KIF18A: variants seen among roughly 807,000 people sequenced by gnomAD.
KIF18A encodes kinesin-like protein KIF18A.
A neutral mutation model predicts 103.3 loss-of-function variants in KIF18A; 67 were observed. The ratio of observed to expected loss-of-function variants is 0.65; its 90% CI spans 0.53 to 0.79. The LOEUF (loss-of-function observed/expected upper bound fraction) is 0.79, where lower values mean the gene tolerates loss of function less well. Ranked by LOEUF, KIF18A falls within the 30% of genes least tolerant of loss-of-function variation. KIF18A has a pLI of 0.00. For synonymous variants in KIF18A, 367 were observed against 355.5 expected, an observed-to-expected ratio of 1.03 and a Z score of -0.36; for missense variants, 1,032 against 1,062.5, an observed-to-expected ratio of 0.97 and a Z score of 0.40.
intron 10 of KIF18A, chr11:28,076,349 A>C (rs140583742): frequency 2.0e-4 from 30 of 152,328 alleles, no homozygotes; most frequent in African/African-American, 6.3e-4. Flanking sequence ...TACTGCCTGC[A>C]TCCAGGATAG....
Position 28,098,000 on chromosome 11 carries a change from T to C in KIF18A, c.-46-7A>G, listed in dbSNP as rs879157554. 4 of 1,314,456 alleles carry C rather than the reference T, an allele frequency of 3.0e-6. No homozygotes were observed. In the Admixed American group the frequency reaches 1.0e-4, roughly 33 times the overall value. The allele number at this position is 1,314,456 out of a possible 1,614,324, so 81.4% of individuals were successfully genotyped here. A position where few individuals can be genotyped will look rare whatever the true frequency, so the allele number is the denominator to read the frequency against. The stretch of plus-strand genomic sequence containing the variant: ...TAAATACTTGAATACTTCTCTGAAA[T>C]TAAAAAAGAAAATAAAGTTTTAATA... On this transcript the variant is annotated splice_region_variant and splice_polypyrimidine_tract_variant and intron_variant, in intron 1 of 16. Transcript: ENST00000263181.
chr11:28,049,584 T>A (rs1287695223), intron 13 of KIF18A, among the ~76,000 whole-genome samples: 4 of 152,052 alleles, frequency 2.6e-5, no homozygotes, highest in African/African-American at 9.7e-5. Flanking sequence ...GGATTAGATC[T>A]AATTGAGGTT....
chr11:28,065,017 T>C (rs557085541), intron 11 of KIF18A, among the ~76,000 whole-genome samples: 1 of 152,148 alleles, frequency 6.6e-6, no homozygotes, highest in African/African-American at 2.4e-5. Flanking sequence ...GTGGAGAGAA[T>C]GAATTGCAGT....
chr11:28,074,673 C>CT (rs1306413958), intron 10 of KIF18A, among the ~76,000 whole-genome samples: 1 of 152,034 alleles, frequency 6.6e-6, no homozygotes. Flanking sequence ...AAAATGTTAG[C>CT]TTTGAAAAGC....
At chr11:28,023,242 A>C (rs1850268764) in intron 16 of KIF18A, among the ~76,000 whole-genome samples, 1 of 152,114 alleles carries the variant, frequency 6.6e-6, no homozygotes, top group South Asian at 2.1e-4. Flanking sequence ...GATGGGAAAG[A>C]TCCATCAGTA....
chr11:28,104,434 C>G (rs1468790053), intron 1 of KIF18A, among the ~76,000 whole-genome samples: 1 of 152,152 alleles, frequency 6.6e-6, no homozygotes, highest in African/African-American at 2.4e-5. Flanking sequence ...TTTTGGCCTC[C>G]TGGCTTTTTT....
chr11:28,066,620 A>G (rs1378142864), intron 11 of KIF18A, among the ~76,000 whole-genome samples: 1 of 151,666 alleles, frequency 6.6e-6, no homozygotes, highest in Non-Finnish European at 1.5e-5. Context: ...TCTTGTGTCA[A>G]TGGAAGGGCT....
At chr11:28,076,982 A>G in intron 10 of KIF18A, 25 bp downstream of exon 10, 1 of 1,273,478 alleles carries the variant, frequency 7.9e-7, no homozygotes. Flanking sequence ...ACTTTCTAAA[A>G]TTTAATTATA....
At chr11:28,087,822 AT>A (rs1851248110) in intron 6 of KIF18A, among the ~76,000 whole-genome samples, 1 of 152,156 alleles carries the variant, frequency 6.6e-6, no homozygotes, top group Admixed American at 6.5e-5. Flanking sequence ...TTTGATTTGC[AT>A]TTTTCTAATG....
chr11:28,094,389 TA>T (rs1851340525), intron 3 of KIF18A, among the ~76,000 whole-genome samples: 1 of 151,970 alleles, frequency 6.6e-6, no homozygotes, highest in Admixed American at 6.6e-5. Context: ...AGTAAAATGC[TA>T]ACATATGGGG....
Position 28,080,664 on chromosome 11 carries a change from C to T in KIF18A, c.1262+2192G>A, listed in dbSNP as rs147445687. Reference sequence around the variant, plus strand: ...CTACCTCTCCTCAGCCCTCCCTATTCCTTGAAACACGTTGAAATCGGGCAA... The same window carrying T: ...CTACCTCTCCTCAGCCCTCCCTATTTCTTGAAACACGTTGAAATCGGGCAA... On this transcript the variant is annotated intron_variant, in intron 9 of 16. Transcript: ENST00000263181. 2.9e-3 allele frequency among the ~76,000 whole-genome samples: 435 copies of T among 152,144 alleles called. 1 individual carries two copies. Among genetic ancestry groups the T allele is most frequent in the Non-Finnish European group, 5.2e-3 (356 of 67,970 alleles).
chr11:28,024,102 T>C (rs1222895434), intron 15 of KIF18A, among the ~76,000 whole-genome samples: 5 of 150,572 alleles, frequency 3.3e-5, no homozygotes, highest in Non-Finnish European at 7.4e-5. Context: ...TACAATTCTG[T>C]AGCAGAATAT....
chr11:28,096,685 G>C (rs1428259759), intron 2 of KIF18A, among the ~76,000 whole-genome samples: 1 of 152,166 alleles, frequency 6.6e-6, no homozygotes, highest in Non-Finnish European at 1.5e-5. Context: ...ACTTGATCAA[G>C]AGGGTATGTC....
At chr11:28,078,208 G>A (rs1851120623) in intron 9 of KIF18A, among the ~76,000 whole-genome samples, 1 of 152,030 alleles carries the variant, frequency 6.6e-6, no homozygotes, top group Non-Finnish European at 1.5e-5. Flanking sequence ...AGCTCTTAAT[G>A]AAACTCTATT....
chr11:28,083,195 T>C lies in KIF18A; in HGVS notation c.1123A>G (p.Lys375Glu). 6.4e-7 allele frequency: 1 copy of C among 1,570,024 alleles called. No homozygotes were observed. The highest frequency in any genetic ancestry group is 8.6e-7 in the Non-Finnish European group (1 of 1,167,498). Reference sequence around the variant, plus strand: ...TCTGCCTTCTGCTCATTACAGATCTTTACATATTGAGTTATATGATTATTG... The same window carrying C: ...TCTGCCTTCTGCTCATTACAGATCTCTACATATTGAGTTATATGATTATTG... Reference protein sequence around the residue: ...NVNNHITQYVKICNEQKAEIL... With the variant: ...NVNNHITQYVEICNEQKAEIL... The change falls in exon 8 of 17, where the codon AAG (lysine) becomes GAG (glutamate). Residue 375 changes from lysine to glutamate, a missense_variant. Lys to Glu is a moderately conservative substitution (Grantham distance 56, BLOSUM62 1). Coordinates refer to ENST00000263181, the MANE Select transcript of KIF18A (RefSeq NM_031217.4).
At chr11:28,073,799 CTCTT>C (rs1258038247) in intron 10 of KIF18A, among the ~76,000 whole-genome samples, 4 of 152,156 alleles carry the variant, frequency 2.6e-5, no homozygotes, top group African/African-American at 4.8e-5. Flanking sequence ...ACAAACACTT[CTCTT>C]TCTTTACCTC....
chr11:28,031,858 A>G (rs372295617), intron 15 of KIF18A, among the ~76,000 whole-genome samples: 18 of 152,044 alleles, frequency 1.2e-4, no homozygotes, highest in African/African-American at 4.1e-4. Context: ...ATTATTTAAC[A>G]TATTACTGGA....
intron 6 of KIF18A, among the ~76,000 whole-genome samples, chr11:28,085,564 T>C (rs1307602340): frequency 6.6e-6 from 1 of 152,164 alleles, no homozygotes; most frequent in East Asian, 1.9e-4. Context: ...TGTTATCGGC[T>C]ACCTAAGAGG....
At chr11:28,083,760 A>C (rs146663037) in intron 7 of KIF18A, among the ~76,000 whole-genome samples, 1 of 152,274 alleles carries the variant, frequency 6.6e-6, no homozygotes, top group African/African-American at 2.4e-5. Flanking sequence ...AAGTGGAGCT[A>C]AGAATTCATT....
Sources: allele counts gnomAD v4.1 joint callset (sites outside exome capture counted in the v4.1 genomes callset), GRCh38; gene constraint gnomAD v4.1.1; transcripts MANE v1.5; gene names NCBI Gene and HGNC (gene_info 2026-07-23, HGNC 2026-07-21).